The following DGKE variants were observed in gnomAD, a reference collection of about 807,000 sequenced individuals.
DGKE encodes diacylglycerol kinase epsilon, also known as DAG kinase epsilon.
Under a neutral mutation model 70.0 loss-of-function variants are expected in DGKE, and 53 were observed. The ratio of observed to expected loss-of-function variants is 0.76; its 90% CI spans 0.61 to 0.95. The LOEUF is 0.95. Ranked by LOEUF, DGKE falls within the 40% of genes least tolerant of loss-of-function variation. DGKE has a pLI of 0.00. For missense variants in DGKE, 655 were observed against 706.9 expected (o/e 0.93, Z 0.83); for synonymous variants, 291 against 257.0 (o/e 1.13, Z -1.27).
intron 8 of DGKE, 125 bp downstream of exon 8, chr17:56,856,750 T>G (rs1412059684): frequency 8.0e-7 from 1 of 1,254,452 alleles, no homozygotes; most frequent in African/African-American, 1.5e-5. Flanking sequence ...ACCTGCTCTG[T>G]TTTGTGTAGG....
chr17:56,860,656 A>C (rs1043133164), intron 9 of DGKE, among the ~76,000 whole-genome samples: 2 of 152,254 alleles, frequency 1.3e-5, no homozygotes, highest in Non-Finnish European at 2.9e-5. Context: ...GAGACTAGGG[A>C]AAGTGGCAGT....
chr17:56,845,445 G>T (rs753036916), intron 3 of DGKE, among the ~76,000 whole-genome samples: 20 of 152,136 alleles, frequency 1.3e-4, no homozygotes, highest in Non-Finnish European at 2.9e-4. Context: ...GTGAGTGTGC[G>T]AGCATATGCT....
intron 2 of DGKE, among the ~76,000 whole-genome samples, chr17:56,838,210 T>C (rs1235960126): frequency 2.0e-5 from 3 of 152,218 alleles, no homozygotes; most frequent in Non-Finnish European, 4.4e-5. Context: ...AGCTGCTGAC[T>C]CTCAGAAGGC....
At chr17:56,845,885 C>T (rs1907257193) in intron 4 of DGKE, 76 bp downstream of exon 4, 21 of 1,353,726 alleles carry the variant, frequency 1.6e-5, no homozygotes, top group East Asian at 2.5e-5. Flanking sequence ...TGCTTCAAGT[C>T]ACTAATCACC....
At chr17:56,844,870 C>G (rs893120505) in intron 3 of DGKE, among the ~76,000 whole-genome samples, 21 of 152,176 alleles carry the variant, frequency 1.4e-4, no homozygotes, top group African/African-American at 5.1e-4. Flanking sequence ...GATTTATTTT[C>G]TAATTGGATA....
In DGKE at chr17:56,843,797, C is replaced by CAAAAAAAA. The variant is rs368992473; in HGVS notation, c.465-212_465-205dup. On this transcript the variant is annotated intron_variant, in intron 2 of 11. Transcript: ENST00000284061. ...TGGTGGACAGAGTGAGACCCTGTCT[C>CAAAAAAAA]AAAAAAAAAAAAAAAAAGTGCTGTT... Among the ~76,000 whole-genome samples the CAAAAAAAA allele has an allele frequency of 3.3e-4, 36 of 109,274 alleles. 1 individual carries two copies. The highest frequency in any genetic ancestry group is 5.4e-4 in the Non-Finnish European group (29 of 54,122). 71.7% of individuals were successfully genotyped at this position (109,274 alleles called of 152,430 possible).
At chr17:56,841,216 A>G (rs1906959097) in intron 2 of DGKE, among the ~76,000 whole-genome samples, 1 of 148,318 alleles carries the variant, frequency 6.7e-6, no homozygotes, top group Admixed American at 6.8e-5. Flanking sequence ...GCACCACTGC[A>G]CTCCAAGCCT....
intron 7 of DGKE, 104 bp from the exon 8 acceptor site, chr17:56,856,408 C>A: frequency 8.1e-7 from 1 of 1,240,888 alleles, no homozygotes; most frequent in Non-Finnish European, 1.1e-6. Context: ...ATGCAGAAAG[C>A]ATCTCCATTG....
chr17:56,847,311 CA>C (rs1229851949), intron 4 of DGKE: 4 of 149,912 alleles, frequency 2.7e-5, no homozygotes, highest in Non-Finnish European at 5.9e-5. Context: ...AAGAAGGAGG[CA>C]ATGTGGTATA....
chr17:56,844,278 G>A (rs1478169391), intron 3 of DGKE, 100 bp downstream of exon 3: 4 of 755,028 alleles, frequency 5.3e-6, no homozygotes, highest in African/African-American at 1.8e-5. Flanking sequence ...ATTGGTGCCA[G>A]GAATAAAATA....
At chr17:56,848,112 T>A in intron 5 of DGKE, 47 bp downstream of exon 5, 1 of 1,023,030 alleles carries the variant, frequency 9.8e-7, no homozygotes, top group Non-Finnish European at 1.2e-6. Context: ...AAGATAAATA[T>A]ACTATACATA....
Position 56,862,681 on chromosome 17 carries a change from G to A in DGKE, c.1594G>A (p.Val532Ile). The change falls in exon 12 of 12, where the codon GTC becomes ATC. Residue 532 changes from valine (V) to isoleucine (I), a missense_variant. Physicochemically the swap from Val to Ile is conservative, Grantham distance 29 (BLOSUM62 3). Coordinates refer to ENST00000284061, the MANE Select transcript of DGKE (RefSeq NM_003647.3). ...GEPWAQGPCT[V>I]TITHKTHAMM... ...GCCTTGGGCCCAAGGGCCCTGCACT[G>A]TCACCATAACTCACAAGACACATGC... is the stretch of plus-strand genomic sequence containing the variant. The A allele has an allele frequency of 6.2e-7, 1 of 1,609,828 alleles. No homozygotes were observed. Among genetic ancestry groups the A allele is most frequent in the Non-Finnish European group, 8.5e-7 (1 of 1,178,634 alleles).
At position 56,862,718 on chromosome 17, in the gene DGKE, A is replaced by G; in HGVS notation, c.1631A>G (p.Tyr544Cys). ...CACAAGACACATGCAATGATGTTAT[A>G]TTTCTCTGGAGAACAAACAGATGAT... is the stretch of plus-strand genomic sequence containing the variant. The part of the protein sequence containing the change: ...ITHKTHAMML[Y>C]FSGEQTDDDI... The change falls in exon 12 of 12, where the codon TAT becomes TGT. Residue 544 changes from tyrosine to cysteine, a missense_variant. Physicochemically the swap from Tyr to Cys is radical, Grantham distance 194 (BLOSUM62 -2). Transcript: ENST00000284061. 6.2e-7 allele frequency: 1 copy of G among 1,611,162 alleles called. No homozygotes were observed. The highest frequency in any genetic ancestry group is 8.5e-7 in the Non-Finnish European group (1 of 1,179,226).
At chr17:56,842,200 C>T (rs1226675486) in intron 2 of DGKE, among the ~76,000 whole-genome samples, 2 of 152,094 alleles carry the variant, frequency 1.3e-5, no homozygotes, top group Non-Finnish European at 2.9e-5. Flanking sequence ...AAGAGTGACT[C>T]TCTGGATGAT....
chr17:56,852,599 G>GCTTTA (rs1907720475), intron 7 of DGKE, among the ~76,000 whole-genome samples: 1 of 132,774 alleles, frequency 7.5e-6, no homozygotes, highest in African/African-American at 2.5e-5. Context: ...GGATTGCTTT[G>GCTTTA]ATTTATTTTA....
intron 11 of DGKE, 133 bp downstream of exon 11, chr17:56,862,384 C>A: frequency 1.1e-6 from 1 of 918,658 alleles, no homozygotes; most frequent in Non-Finnish European, 1.6e-6. Flanking sequence ...TGTACACTAG[C>A]GGCTAGAGTG....
chr17:56,843,099 G>C (rs1907083158), intron 2 of DGKE, among the ~76,000 whole-genome samples: 1 of 152,126 alleles, frequency 6.6e-6, no homozygotes, highest in Non-Finnish European at 1.5e-5. Flanking sequence ...AAACAGCAAG[G>C]ACTTTAGGCC....
chr17:56,834,685 C>A, intron 1 of DGKE, 93 bp from the exon 2 acceptor site: 1 of 1,242,718 alleles, frequency 8.0e-7, no homozygotes, highest in Non-Finnish European at 1.1e-6. Context: ...GCCACCTTCA[C>A]TGAGGGCGCC....
At chr17:56,848,882 T>A in intron 6 of DGKE, 29 bp downstream of exon 6, 1 of 1,613,702 alleles carries the variant, frequency 6.2e-7, no homozygotes, top group South Asian at 1.1e-5. Flanking sequence ...AAAAGTAGAT[T>A]TCTTGAGATT....
Sources: gnomAD v4.1 joint callset for allele counts (sites outside exome capture counted in the v4.1 genomes callset) on GRCh38, gnomAD v4.1.1 for gene constraint, MANE v1.5 for transcripts, NCBI Gene and HGNC (gene_info 2026-07-23, HGNC 2026-07-21) for gene names.